RBFOX3: variants seen among roughly 807,000 people sequenced by gnomAD.
The protein encoded by RBFOX3 is RNA binding protein fox-1 homolog 3.
RBFOX3 carries 17 observed loss-of-function variants against 48.7 expected under a neutral mutation model. That is an observed-to-expected ratio of 0.35 (90% CI 0.24 to 0.52). The LOEUF (loss-of-function observed/expected upper bound fraction) is 0.52, where lower values mean the gene tolerates loss of function less well. RBFOX3 is among the 20% of genes least tolerant of loss of function. The probability of loss-of-function intolerance (pLI) is 0.94; values close to 1 mark genes in which losing one functional copy is unlikely to be tolerated. For synonymous variants in RBFOX3, 212 were observed against 209.5 expected, an observed-to-expected ratio of 1.01 and a Z score of -0.10; for missense variants, 382 against 497.5, an observed-to-expected ratio of 0.77 and a Z score of 2.21.
intron 2 of RBFOX3, among the ~76,000 whole-genome samples, chr17:79,466,875 G>T (rs914983034): frequency 6.6e-6 from 1 of 152,078 alleles, no homozygotes; most frequent in African/African-American, 2.4e-5. Flanking sequence ...ACACGACCAG[G>T]TGTGAAGAGG....
chr17:79,469,692 T>C (rs1391215200), intron 2 of RBFOX3, among the ~76,000 whole-genome samples: 1 of 152,088 alleles, frequency 6.6e-6, no homozygotes, highest in Non-Finnish European at 1.5e-5. Flanking sequence ...TTGGCCTCCC[T>C]CATTCCACCA....
At chr17:79,247,786 C>G (rs920968008) in intron 3 of RBFOX3, among the ~76,000 whole-genome samples, 1 of 152,166 alleles carries the variant, frequency 6.6e-6, no homozygotes, top group Non-Finnish European at 1.5e-5. Flanking sequence ...TTAGATCTGG[C>G]GGTTGATCCA....
At chr17:79,216,299 T>C (rs986342171) in intron 4 of RBFOX3, among the ~76,000 whole-genome samples, 2 of 152,178 alleles carry the variant, frequency 1.3e-5, no homozygotes, top group Non-Finnish European at 2.9e-5. Flanking sequence ...TGTGTGGCAT[T>C]CTTGGGACAC....
chr17:79,460,325 C>T (rs781946015), intron 2 of RBFOX3, among the ~76,000 whole-genome samples: 45 of 152,050 alleles, frequency 3.0e-4, no homozygotes, highest in Admixed American at 9.8e-4. Flanking sequence ...CAGGTGAGTT[C>T]TGAGTTTTGT....
chr17:79,115,382 C>A, intron 5 of RBFOX3, 112 bp downstream of exon 5: 1 of 615,034 alleles, frequency 1.6e-6, no homozygotes, highest in South Asian at 7.5e-5. Context: ...AGGCCCTGCC[C>A]AGGCCCCTCG....
intron 3 of RBFOX3, among the ~76,000 whole-genome samples, chr17:79,245,213 C>T (rs2062987683): frequency 6.6e-6 from 1 of 152,078 alleles, no homozygotes; most frequent in Non-Finnish European, 1.5e-5. Flanking sequence ...GCTGGGTCTA[C>T]AGGCGTACGC....
rs778673461 is a variant in RBFOX3, at chr17:79,391,106, A to T, written c.-174-83282T>A. On this transcript the variant is annotated intron_variant, in intron 2 of 14. Transcript: ENST00000693108. The surrounding 1 kb of genome is among the most constrained non-coding windows in gnomAD (Gnocchi z 5.0). ...GGTCTGGTGGCCTGTAACCCCTGCCAGCCAGGCTCCCTGATACCAGCCTCT... is the reference window on the plus strand; with the variant it reads ...GGTCTGGTGGCCTGTAACCCCTGCCTGCCAGGCTCCCTGATACCAGCCTCT... Among the ~76,000 whole-genome samples, 5 of 152,180 alleles carry T rather than the reference A, an allele frequency of 3.3e-5. No homozygotes were observed. Among genetic ancestry groups the T allele is most frequent in the Non-Finnish European group, 5.9e-5 (4 of 68,022 alleles).
chr17:79,226,941 G>T (rs1204327855), intron 4 of RBFOX3, among the ~76,000 whole-genome samples: 3 of 152,224 alleles, frequency 2.0e-5, no homozygotes, highest in Non-Finnish European at 4.4e-5. Context: ...GGACCTGCCA[G>T]GCCTGGGGGA....
At chr17:79,219,718 T>C (rs113897911) in intron 4 of RBFOX3, among the ~76,000 whole-genome samples, 51 of 151,950 alleles carry the variant, frequency 3.4e-4, no homozygotes, top group African/African-American at 1.2e-3. Context: ...GGAGGTCGGC[T>C]GGGGCTCACA....
At position 79,094,265 on chromosome 17, in the gene RBFOX3, C is replaced by T. The variant is rs577281932; in HGVS notation, c.1077+186G>A. ...TGACCAGCCATTCAACCTGCTTCCC[C>T]GCAACTGAGAGGGCGTGAGGGGCCA... On this transcript the variant is annotated intron_variant, in intron 14 of 14. Coordinates refer to ENST00000693108, the MANE Select transcript of RBFOX3 (RefSeq NM_001350451.2). The T allele has an allele frequency of 1.1e-3, 524 of 485,312 alleles. 7 individuals are homozygous for T. The highest frequency in any genetic ancestry group is 8.0e-3 in the South Asian group (226 of 28,338). The allele number at this position is 485,312 out of a possible 1,614,324, so 30.1% of individuals were successfully genotyped here. A position where few individuals can be genotyped will look rare whatever the true frequency, so the allele number is the denominator to read the frequency against.
intron 3 of RBFOX3, among the ~76,000 whole-genome samples, chr17:79,265,816 G>T (rs1294934025): frequency 6.6e-6 from 1 of 152,192 alleles, no homozygotes; most frequent in African/African-American, 2.4e-5. Context: ...GGGCAGGCCT[G>T]CCAACTCTGG....
At position 79,220,221 on chromosome 17, in the gene RBFOX3, A is replaced by AC. The variant is rs1600082419; in HGVS notation, c.-34+15544_-34+15545insG. 6.6e-6 allele frequency among the ~76,000 whole-genome samples: 1 copy of AC among 152,118 alleles called. No individual in the cohort carries two copies. The highest frequency in any genetic ancestry group is 1.9e-4 in the East Asian group (1 of 5,168). ...CATTTCGGAACCGCGGCTCCACAGC[A>AC]GGCTCCCGGGGAGGAGGGGAGGAGA... On this transcript the variant is annotated intron_variant, in intron 4 of 14. Transcript: ENST00000693108. This position sits in a 1 kb window ranked among gnomAD's most constrained non-coding sequence, Gnocchi z 5.9.
chr17:79,580,949 T>A (rs1211271471), intron 1 of RBFOX3, among the ~76,000 whole-genome samples: 2 of 152,002 alleles, frequency 1.3e-5, no homozygotes, highest in African/African-American at 4.8e-5. Flanking sequence ...CCAATGCAGA[T>A]CATAAAACAC....
chr17:79,591,075 C>A (rs1269910539), intron 1 of RBFOX3, among the ~76,000 whole-genome samples: 1 of 152,202 alleles, frequency 6.6e-6, no homozygotes, highest in Non-Finnish European at 1.5e-5. Flanking sequence ...CTGTCGCCGC[C>A]CCTTCCTCCC....
At chr17:79,531,283 G>C (rs1314541037) in intron 1 of RBFOX3, among the ~76,000 whole-genome samples, 1 of 152,186 alleles carries the variant, frequency 6.6e-6, no homozygotes, top group East Asian at 1.9e-4. Context: ...GTGCCCACCT[G>C]CCCTGCCAGC....
intron 2 of RBFOX3, among the ~76,000 whole-genome samples, chr17:79,407,863 G>A (rs925048202): frequency 2.0e-5 from 3 of 152,200 alleles, no homozygotes; most frequent in Admixed American, 6.5e-5. Context: ...AAACAACAGA[G>A]AATCGTTCTT....
chr17:79,319,101 G>A (rs561324787), intron 2 of RBFOX3, among the ~76,000 whole-genome samples: 9 of 152,212 alleles, frequency 5.9e-5, no homozygotes, highest in East Asian at 3.9e-4. Flanking sequence ...AGCCAGCACC[G>A]GATGTGGCTT....
At chr17:79,294,857 T>C (rs1219201669) in intron 3 of RBFOX3, among the ~76,000 whole-genome samples, 2 of 152,206 alleles carry the variant, frequency 1.3e-5, no homozygotes, top group African/African-American at 2.4e-5. Context: ...ATCCAAAGCA[T>C]GATTGCTTGT....
chr17:79,485,829 C>T (rs760398584), intron 1 of RBFOX3, among the ~76,000 whole-genome samples: 11 of 152,224 alleles, frequency 7.2e-5, no homozygotes, highest in East Asian at 3.9e-4. Context: ...GCCGGCTAGG[C>T]GAAGGCGCTG....
Sources: allele counts gnomAD v4.1 joint callset (sites outside exome capture counted in the v4.1 genomes callset), GRCh38; gene constraint gnomAD v4.1.1; non-coding constraint Gnocchi (gnomAD v3.1); transcripts MANE v1.5; gene names NCBI Gene and HGNC (gene_info 2026-07-23, HGNC 2026-07-21).